WNT7B: variants seen among roughly 807,000 people sequenced by gnomAD.
WNT7B encodes the protein protein Wnt-7b.
A neutral mutation model predicts 38.2 loss-of-function variants in WNT7B; 19 were observed. The observed-to-expected ratio is 0.50, with a 90% CI of 0.35 to 0.73. WNT7B has a LOEUF of 0.73. WNT7B is among the 30% of genes least tolerant of loss of function. The pLI is 0.01. For synonymous variants in WNT7B, 243 were observed against 209.3 expected (o/e 1.16, Z -1.39); for missense variants, 423 against 507.9 (o/e 0.83, Z 1.61).
At chr22:45,971,055 A>G (rs1932424400) in intron 1 of WNT7B, among the ~76,000 whole-genome samples, 1 of 151,996 alleles carries the variant, frequency 6.6e-6, no homozygotes, top group Admixed American at 6.5e-5. Flanking sequence ...GAAAACTGGT[A>G]GGATAGTAAT....
chr22:45,928,216 G>A (rs970829445), intron 3 of WNT7B, among the ~76,000 whole-genome samples: 2 of 152,152 alleles, frequency 1.3e-5, no homozygotes, highest in Admixed American at 6.5e-5. Flanking sequence ...AAGCTGGGGG[G>A]CAGGGGCAGG....
rs138513660 is a variant in WNT7B at position 45,943,982 on chromosome 22, G to C, written c.298+5938C>G. On this transcript the variant is annotated intron_variant, in intron 2 of 3. Transcript: ENST00000339464. ...ACGGAACCCACGTGGGAAGCTCTGC[G>C]GGGACCTCCATGTCCCCATTCTGAG... Among the ~76,000 whole-genome samples, 601 of 152,270 alleles carry C rather than the reference G, an allele frequency of 3.9e-3. 6 individuals are homozygous for C. The highest frequency in any genetic ancestry group is 0.014 in the African/African-American group (575 of 41,552).
intron 1 of WNT7B, among the ~76,000 whole-genome samples, chr22:45,957,614 C>T (rs779152239): frequency 6.6e-5 from 8 of 121,198 alleles, no homozygotes; most frequent in South Asian, 2.8e-4. Flanking sequence ...AACCAGGAGG[C>T]GAAAGTTGCA....
At chr22:45,959,773 C>T (rs1224755200) in intron 1 of WNT7B, among the ~76,000 whole-genome samples, 1 of 152,164 alleles carries the variant, frequency 6.6e-6, no homozygotes, top group East Asian at 1.9e-4. Flanking sequence ...CTGCCTACCC[C>T]ACCCAGTTCA....
At chr22:45,940,691 C>T (rs145039496) in intron 2 of WNT7B, among the ~76,000 whole-genome samples, 1,689 of 152,272 alleles carry the variant, frequency 0.011, 13 homozygotes, top group Middle Eastern at 0.031. Flanking sequence ...CAGACAGTGC[C>T]GCCAGAGGCC....
rs1303659468 is a variant in WNT7B, at chr22:45,920,711, GGGGATGGGATGAGGGATGAGATGA to G, written c.*2121_*2144del. On this transcript the variant is annotated 3_prime_UTR_variant, in exon 4 of 4. Transcript: ENST00000339464. ...GGGGGATGGGGTCAGGGATGGGATG[GGGGATGGGATGAGGGATGAGATGA>G]GGGATGGGATGGGATGGGGGATGAG... is the stretch of plus-strand genomic sequence containing the variant. 9 of 132,826 alleles carry G rather than the reference GGGGATGGGATGAGGGATGAGATGA, an allele frequency of 6.8e-5. No homozygotes were observed. The highest frequency in any genetic ancestry group is 2.2e-4 in the African/African-American group (7 of 31,956). The allele number at this position is 132,826 out of a possible 1,614,324, so 8.2% of individuals were successfully genotyped here.
chr22:45,963,641 T>C (rs1466033419), intron 1 of WNT7B, among the ~76,000 whole-genome samples: 1 of 152,076 alleles, frequency 6.6e-6, no homozygotes, highest in Non-Finnish European at 1.5e-5. Context: ...CCCTGTGGCT[T>C]TTCCCCCCAC....
At chr22:45,933,265 G>A (rs928412190) in intron 2 of WNT7B, among the ~76,000 whole-genome samples, 2 of 152,166 alleles carry the variant, frequency 1.3e-5, no homozygotes, top group East Asian at 1.9e-4. Flanking sequence ...AGCAAGGTCC[G>A]AGACTGCAAT....
At chr22:45,949,767 C>T (rs1931885730) in intron 2 of WNT7B, among the ~76,000 whole-genome samples, 153 bp downstream of exon 2, 1 of 152,248 alleles carries the variant, frequency 6.6e-6, no homozygotes, top group African/African-American at 2.4e-5. Flanking sequence ...TAGGGCCAGG[C>T]CAGGCACGCA....
intron 3 of WNT7B, among the ~76,000 whole-genome samples, chr22:45,928,675 A>AGACACCTCCAAGTCC (rs1346929674): frequency 2.5e-4 from 35 of 141,914 alleles, no homozygotes; most frequent in African/African-American, 8.7e-4. Flanking sequence ...GTGAGTCACC[A>AGACACCTCCAAGTCC]GACACCTCCA....
intron 2 of WNT7B, among the ~76,000 whole-genome samples, chr22:45,942,771 C>T (rs1349056944): frequency 1.3e-5 from 2 of 152,214 alleles, no homozygotes; most frequent in Admixed American, 1.3e-4. Flanking sequence ...TGCGTCTGGG[C>T]CGCTTTTATT....
intron 3 of WNT7B, among the ~76,000 whole-genome samples, chr22:45,929,166 C>T (rs1395343594): frequency 6.6e-6 from 1 of 152,178 alleles, no homozygotes; most frequent in Non-Finnish European, 1.5e-5. Context: ...GCCTTCTCCT[C>T]TTTCTCCTCC....
chr22:45,927,481 C>A lies in WNT7B; in HGVS notation c.570+3617G>T, dbSNP rs536885090. On this transcript the variant is annotated intron_variant, in intron 3 of 3. Coordinates refer to ENST00000339464, the MANE Select transcript of WNT7B (RefSeq NM_058238.3). Reference sequence around the variant, plus strand: ...CCCCCAAATTCATGTCTGCTCAGAGCCTCGGCAAGTGACTTTATTTGGAAG... The same window carrying A: ...CCCCCAAATTCATGTCTGCTCAGAGACTCGGCAAGTGACTTTATTTGGAAG... 10 of 1,549,976 alleles carry A rather than the reference C, an allele frequency of 6.5e-6. No individual in the cohort carries two copies. The East Asian group carries it at 1.7e-4, about 27-fold the overall frequency.
chr22:45,973,908 A>AAC (rs1932502222), intron 1 of WNT7B, among the ~76,000 whole-genome samples: 1 of 152,086 alleles, frequency 6.6e-6, no homozygotes, highest in African/African-American at 2.4e-5. Context: ...CGTGTAATTA[A>AAC]ACACAGGCAG....
chr22:45,929,321 C>G (rs963478323), intron 3 of WNT7B, among the ~76,000 whole-genome samples: 4 of 152,114 alleles, frequency 2.6e-5, no homozygotes, highest in African/African-American at 9.7e-5. Flanking sequence ...CTGTGAGTTC[C>G]TTGGAGGCAA....
chr22:45,931,015 A>C (rs1931331822), intron 3 of WNT7B, 83 bp downstream of exon 3: 1 of 1,457,672 alleles, frequency 6.9e-7, no homozygotes, highest in South Asian at 1.4e-5. Context: ...CTTCTGCTAG[A>C]AGAGGAGCCT....
chr22:45,929,434 A>C (rs1285840659), intron 3 of WNT7B, among the ~76,000 whole-genome samples: 3 of 148,062 alleles, frequency 2.0e-5, no homozygotes, highest in Admixed American at 2.0e-4. Context: ...CCATCCACCC[A>C]CCCACTGATC....
Position 45,929,487 on chromosome 22 carries a change from T to TCCAC in WNT7B, c.570+1607_570+1610dup, listed in dbSNP as rs368933414. Among the ~76,000 whole-genome samples, 637 of 142,794 alleles carry TCCAC rather than the reference T, an allele frequency of 4.5e-3. 4 individuals are homozygous for TCCAC. The highest frequency in any genetic ancestry group is 0.014 in the African/African-American group (505 of 37,362). The allele number at this position is 142,794 out of a possible 152,430, so 93.7% of individuals were successfully genotyped here. On this transcript the variant is annotated intron_variant, in intron 3 of 3. Transcript: ENST00000339464. ...ATCTACTTATCCTTCCATCTGTACATCCACCCACCCACCCACCCACCAATA... is the reference window on the plus strand; with the variant it reads ...ATCTACTTATCCTTCCATCTGTACATCCACCCACCCACCCACCCACCCACCAATA...
At position 45,965,954 on chromosome 22, in the gene WNT7B, G is replaced by T. The variant is rs971872923; in HGVS notation, c.71+10730C>A. On this transcript the variant is annotated intron_variant, in intron 1 of 3. Coordinates refer to ENST00000339464, the MANE Select transcript of WNT7B (RefSeq NM_058238.3). The surrounding 1 kb of genome is among the most constrained non-coding windows in gnomAD (Gnocchi z 6.5). The stretch of plus-strand genomic sequence containing the variant: ...ACACCGTGACAAGTGGCATGGACCC[G>T]ACAGCCAGGAGTCCCTGGGCTCAAA... Among the ~76,000 whole-genome samples the T allele has an allele frequency of 6.6e-6, 1 of 152,134 alleles. No individual in the cohort carries two copies. The highest frequency in any genetic ancestry group is 1.5e-5 in the Non-Finnish European group (1 of 68,034).
Sources: allele counts gnomAD v4.1 joint callset (sites outside exome capture counted in the v4.1 genomes callset), GRCh38; gene constraint gnomAD v4.1.1; non-coding constraint Gnocchi (gnomAD v3.1); transcripts MANE v1.5; gene names NCBI Gene and HGNC (gene_info 2026-07-23, HGNC 2026-07-21).